STK25: variants seen among roughly 807,000 people sequenced by gnomAD.
STK25 encodes the protein serine/threonine-protein kinase 25.
Under a neutral mutation model 53.8 loss-of-function variants are expected in STK25, and 29 were observed. The observed-to-expected ratio is 0.54, with a 90% CI of 0.40 to 0.74. STK25 has a LOEUF of 0.74. STK25 is among the 30% of genes least tolerant of loss of function. The probability of loss-of-function intolerance (pLI) is 0.00; values close to 1 mark genes in which losing one functional copy is unlikely to be tolerated. For synonymous variants in STK25, 247 were observed against 238.3 expected (o/e 1.04, Z -0.33); for missense variants, 420 against 568.0 (o/e 0.74, Z 2.65).
In STK25 at chr2:241,501,419, G is replaced by A; in HGVS notation, c.261+59C>T. On this transcript the variant is annotated intron_variant, in intron 3 of 11. Coordinates refer to ENST00000316586, the MANE Select transcript of STK25 (RefSeq NM_001271977.2). This position sits in a 1 kb window ranked among gnomAD's most constrained non-coding sequence, Gnocchi z 5.3. ...CTCTGGCATGTCACTCAGTCCCTCTGACATGGAAGAGAGCCGGGCACAGCA... is the reference window on the plus strand; with the variant it reads ...CTCTGGCATGTCACTCAGTCCCTCTAACATGGAAGAGAGCCGGGCACAGCA... The A allele has an allele frequency of 6.5e-7, 1 of 1,536,266 alleles. No individual in the cohort carries two copies. The highest frequency in any genetic ancestry group is 8.9e-7 in the Non-Finnish European group (1 of 1,119,450).
At position 241,496,557 on chromosome 2, in the gene STK25, G is replaced by A. The variant is rs377346724; in HGVS notation, c.1105-23C>T. ...GAGCTGTGAAAAGACCACCACGCCT[G>A]ACCCTGGACCCCAGGACAGGCCTTC... On this transcript the variant is annotated intron_variant, in intron 10 of 11. Transcript: ENST00000316586. This position sits in a 1 kb window ranked among gnomAD's most constrained non-coding sequence, Gnocchi z 5.8. 7 of 1,607,456 alleles carry A rather than the reference G, an allele frequency of 4.4e-6. No individual in the cohort carries two copies. The highest frequency in any genetic ancestry group is 6.0e-6 in the Non-Finnish European group (7 of 1,175,694).
At chr2:241,497,424 G>A in intron 10 of STK25, 192 bp downstream of exon 10, 1 of 604,486 alleles carries the variant, frequency 1.7e-6, no homozygotes, top group Non-Finnish European at 3.0e-6. Flanking sequence ...ACCTTGGCAG[G>A]TCTGGGAGTA....
At position 241,496,632 on chromosome 2, in the gene STK25, G is replaced by A; in HGVS notation, c.1105-98C>T. Reference sequence around the variant, plus strand: ...CACAGTGATGCCGGAGGCCTTCAGGGCTCTCGCCTAGGAGCCACACCCGGG... The same window carrying A: ...CACAGTGATGCCGGAGGCCTTCAGGACTCTCGCCTAGGAGCCACACCCGGG... On this transcript the variant is annotated intron_variant, in intron 10 of 11. Transcript: ENST00000316586. The surrounding 1 kb of genome is among the most constrained non-coding windows in gnomAD (Gnocchi z 5.8). 2.8e-6 allele frequency: 4 copies of A among 1,408,566 alleles called. No individual in the cohort carries two copies. The highest frequency in any genetic ancestry group is 1.4e-5 in the African/African-American group (1 of 70,172). 87.3% of individuals were successfully genotyped at this position (1,408,566 alleles called of 1,614,324 possible).
In STK25 at chr2:241,508,123, C is replaced by A. The variant is rs952711858; in HGVS notation, c.-88G>T. 2.6e-6 allele frequency: 4 copies of A among 1,526,806 alleles called. No individual in the cohort carries two copies. The highest frequency in any genetic ancestry group is 2.8e-5 in the African/African-American group (2 of 71,338). The allele number at this position is 1,526,806 out of a possible 1,614,324, so 94.6% of individuals were successfully genotyped here. ...CGCGGAGCCGGCTAGCTCGCCCCTG[C>A]GGCGTCAGTCCACTGCGAGGGACAC... On this transcript the variant is annotated 5_prime_UTR_variant, in exon 2 of 12. Coordinates refer to ENST00000316586, the MANE Select transcript of STK25 (RefSeq NM_001271977.2).
intron 9 of STK25, 90 bp downstream of exon 9, chr2:241,498,145 G>A: frequency 2.4e-6 from 3 of 1,246,762 alleles, no homozygotes; most frequent in Non-Finnish European, 2.4e-6. Context: ...CCAAGCTCCA[G>A]ACACTGGGTG....
chr2:241,497,459 C>G lies in STK25; in HGVS notation c.1104+157G>C, dbSNP rs2065241881. 4.2e-6 allele frequency: 3 copies of G among 722,292 alleles called. No individual in the cohort carries two copies. In the South Asian group the frequency reaches 5.4e-5, roughly 13 times the overall value. The allele number at this position is 722,292 out of a possible 1,614,324, so 44.7% of individuals were successfully genotyped here. On this transcript the variant is annotated intron_variant, in intron 10 of 11. Transcript: ENST00000316586. ...ACAAAAGGAGTCATTGCAGCAGATT[C>G]TGCTCCTTCCACTCAGAAAACCCAG...
In STK25 at chr2:241,495,717, C is replaced by T. The variant is rs756828086; in HGVS notation, c.1242-16G>A. 9.3e-6 allele frequency: 15 copies of T among 1,613,958 alleles called. No homozygotes were observed. The highest frequency in any genetic ancestry group is 1.3e-5 in the Non-Finnish European group (15 of 1,179,856). On this transcript the variant is annotated splice_polypyrimidine_tract_variant and intron_variant, in intron 11 of 11. Transcript: ENST00000316586. Reference sequence around the variant, plus strand: ...GTGTGAAAACCTGCAGAGAGAAGAGCCCACTGCTGCGTGCGTGCACCTCTG... The same window carrying T: ...GTGTGAAAACCTGCAGAGAGAAGAGTCCACTGCTGCGTGCGTGCACCTCTG...
intron 2 of STK25, chr2:241,504,070 G>A (rs2065672936): frequency 2.1e-6 from 1 of 471,202 alleles, no homozygotes; most frequent in East Asian, 6.9e-5. Context: ...CCCTTTTTGA[G>A]TGCCAGACCT....
chr2:241,501,678 TGAAGA>T lies in STK25; in HGVS notation c.56_60del (p.Leu19HisfsTer20). On this transcript the variant is annotated frameshift_variant, in exon 3 of 12. Coordinates refer to ENST00000316586, the MANE Select transcript of STK25 (RefSeq NM_001271977.2). LOFTEE classifies it high-confidence loss of function. This position sits in a 1 kb window ranked among gnomAD's most constrained non-coding sequence, Gnocchi z 5.3. The stretch of plus-strand genomic sequence containing the variant: ...CCCTTGCCAATGCGGTCGAGCTTGG[TGAAGA>T]GCTCCTCAGGGTCCACTCGAGAGTG... 1 of 1,613,634 alleles carries T rather than the reference TGAAGA, an allele frequency of 6.2e-7. No homozygotes were observed. The highest frequency in any genetic ancestry group is 8.5e-7 in the Non-Finnish European group (1 of 1,179,934).
In STK25 at chr2:241,501,141, T is replaced by C. The variant is rs1179347998; in HGVS notation, c.261+337A>G. On this transcript the variant is annotated intron_variant, in intron 3 of 11. Coordinates refer to ENST00000316586, the MANE Select transcript of STK25 (RefSeq NM_001271977.2). This position sits in a 1 kb window ranked among gnomAD's most constrained non-coding sequence, Gnocchi z 5.3. Reference sequence around the variant, plus strand: ...ACACCCATCACCCTCCTGGGCAGGATGGCCACAGCGTTCCCTACACCCCAG... The same window carrying C: ...ACACCCATCACCCTCCTGGGCAGGACGGCCACAGCGTTCCCTACACCCCAG... 5.5e-6 allele frequency: 3 copies of C among 544,854 alleles called. No homozygotes were observed. The highest frequency in any genetic ancestry group is 3.8e-5 in the African/African-American group (2 of 52,866). 33.8% of individuals were successfully genotyped at this position (544,854 alleles called of 1,614,324 possible).
chr2:241,497,800 C>T (rs1342044819), intron 9 of STK25, 113 bp from the exon 10 acceptor site: 5 of 1,095,056 alleles, frequency 4.6e-6, no homozygotes, highest in South Asian at 1.3e-5. Context: ...AGCAGCCTGT[C>T]GGGGCACATG....
chr2:241,493,545 A>C lies in STK25; in HGVS notation c.*2117T>G. 1 of 1,102,888 alleles carries C rather than the reference A, an allele frequency of 9.1e-7. No individual in the cohort carries two copies. The highest frequency in any genetic ancestry group is 1.4e-6 in the Non-Finnish European group (1 of 734,040). The allele number at this position is 1,102,888 out of a possible 1,614,324, so 68.3% of individuals were successfully genotyped here. ...TGGAGGCAAGTTTTCTGGGCCCTGGAAAGGAAGGGCTGAGCAATGCTTCCA... is the reference window on the plus strand; with the variant it reads ...TGGAGGCAAGTTTTCTGGGCCCTGGCAAGGAAGGGCTGAGCAATGCTTCCA... On this transcript the variant is annotated 3_prime_UTR_variant, in exon 12 of 12. Transcript: ENST00000316586.
In STK25 at chr2:241,493,596, TG is replaced by T. The variant is rs1446646168; in HGVS notation, c.*2065del. On this transcript the variant is annotated 3_prime_UTR_variant, in exon 12 of 12. Coordinates refer to ENST00000316586, the MANE Select transcript of STK25 (RefSeq NM_001271977.2). ...GCATTTCCAAAAAACAGCAATGCTT[TG>T]TTTTTTTTTTTTTTGGAGATGGCGT... 44 of 622,494 alleles carry T rather than the reference TG, an allele frequency of 7.1e-5. No homozygotes were observed. The highest frequency in any genetic ancestry group is 2.0e-4 in the South Asian group (10 of 49,064). The allele number at this position is 622,494 out of a possible 1,614,324, so 38.6% of individuals were successfully genotyped here.
At position 241,493,270 on chromosome 2, in the gene STK25, C is replaced by A; in HGVS notation, c.*2392G>T. 1.2e-6 allele frequency: 2 copies of A among 1,610,560 alleles called. No individual in the cohort carries two copies. Among genetic ancestry groups the A allele is most frequent in the Non-Finnish European group, 1.7e-6 (2 of 1,177,850 alleles). Reference sequence around the variant, plus strand: ...CTGTGGCAACCCAGCCCCTGGAACCCGTGTCCCTATGCTGTCTTGCAGGAT... The same window carrying A: ...CTGTGGCAACCCAGCCCCTGGAACCAGTGTCCCTATGCTGTCTTGCAGGAT... On this transcript the variant is annotated 3_prime_UTR_variant, in exon 12 of 12. Coordinates refer to ENST00000316586, the MANE Select transcript of STK25 (RefSeq NM_001271977.2).
chr2:241,492,919 T>A lies in STK25; in HGVS notation c.*2743A>T. 1 of 1,565,484 alleles carries A rather than the reference T, an allele frequency of 6.4e-7. No individual in the cohort carries two copies. Among genetic ancestry groups the A allele is most frequent in the Non-Finnish European group, 8.8e-7 (1 of 1,135,756 alleles). ...TGGTTAATGCACCTGCATTTTTCCT[T>A]TATTGACAGAACCAGCTTTCAGGAT... On this transcript the variant is annotated 3_prime_UTR_variant, in exon 12 of 12. Coordinates refer to ENST00000316586, the MANE Select transcript of STK25 (RefSeq NM_001271977.2).
At chr2:241,498,401 T>C in intron 8 of STK25, 52 bp from the exon 9 acceptor site, 1 of 1,482,038 alleles carries the variant, frequency 6.7e-7, no homozygotes, top group Non-Finnish European at 9.2e-7. Flanking sequence ...CCAGGAGGCA[T>C]GAGGGCCTCA....
Position 241,493,478 on chromosome 2 carries a change from C to T in STK25, c.*2184G>A, listed in dbSNP as rs1347669395. ...GCAGGAGGCAGCCCTGGTCAGCTGCCCATTTCGATGTCCGCTCAGCTCCCA... is the reference window on the plus strand; with the variant it reads ...GCAGGAGGCAGCCCTGGTCAGCTGCTCATTTCGATGTCCGCTCAGCTCCCA... On this transcript the variant is annotated 3_prime_UTR_variant, in exon 12 of 12. Transcript: ENST00000316586. 5 of 1,605,120 alleles carry T rather than the reference C, an allele frequency of 3.1e-6. No individual in the cohort carries two copies. In the African/African-American group the frequency reaches 4.0e-5, roughly 13 times the overall value.
chr2:241,499,605 CCCAA>C, intron 5 of STK25, 191 bp from the exon 6 acceptor site: 1 of 661,982 alleles, frequency 1.5e-6, no homozygotes, highest in Non-Finnish European at 2.5e-6. Context: ...CCAGCAGGAG[CCCAA>C]CGGCTCCACT....
Position 241,497,560 on chromosome 2 carries a change from G to A in STK25, c.1104+56C>T, listed in dbSNP as rs35852923. The A allele has an allele frequency of 3.9e-3, 6,104 of 1,557,296 alleles. 200 individuals are homozygous for A. The African/African-American group carries it at 0.071, about 18-fold the overall frequency. On this transcript the variant is annotated intron_variant, in intron 10 of 11. Coordinates refer to ENST00000316586, the MANE Select transcript of STK25 (RefSeq NM_001271977.2). ...GTGAGGGAGACATCTCCGTGCAACA[G>A]TGTCACAGCCTTGTCCTTGACGGGA... is the stretch of plus-strand genomic sequence containing the variant.
Sources: gnomAD v4.1 joint callset for allele counts on GRCh38, gnomAD v4.1.1 for gene constraint, Gnocchi (gnomAD v3.1) non-coding constraint, MANE v1.5 for transcripts, NCBI Gene and HGNC (gene_info 2026-07-23, HGNC 2026-07-21) for gene names.